FAM13A: variants seen among roughly 807,000 people sequenced by gnomAD.
FAM13A encodes the protein family with sequence similarity 13 member A, also known as protein FAM13A.
FAM13A carries 76 observed loss-of-function variants against 129.6 expected under a neutral mutation model. The observed-to-expected ratio is 0.59, with a 90% CI of 0.49 to 0.71. FAM13A has a LOEUF of 0.71. Among genes scored for constraint, FAM13A ranks in the 30% least tolerant of loss-of-function variants. The probability of loss-of-function intolerance (pLI) is 0.00; values close to 1 mark genes in which losing one functional copy is unlikely to be tolerated. For synonymous variants in FAM13A, 443 were observed against 449.9 expected, an observed-to-expected ratio of 0.98 and a Z score of 0.20; for missense variants, 1,108 against 1,249.3, an observed-to-expected ratio of 0.89 and a Z score of 1.70.
In FAM13A at chr4:88,822,779, G is replaced by C. The variant is rs73842246; in HGVS notation, c.1008-17727C>G. Reference sequence around the variant, plus strand: ...CTAAATACAACAATCAAGTGAAAAAGATAAGTTGGGCAAAATGTCAGTAAA... The same window carrying C: ...CTAAATACAACAATCAAGTGAAAAACATAAGTTGGGCAAAATGTCAGTAAA... On this transcript the variant is annotated intron_variant, in intron 7 of 23. Coordinates refer to ENST00000264344, the MANE Select transcript of FAM13A (RefSeq NM_014883.4). 5.4e-3 allele frequency among the ~76,000 whole-genome samples: 829 copies of C among 152,224 alleles called. 6 individuals carry two copies. Among genetic ancestry groups the C allele is most frequent in the African/African-American group, 0.019 (788 of 41,542 alleles).
chr4:88,750,451 G>A lies in FAM13A; in HGVS notation c.1913C>T (p.Ser638Phe). ...QYLDDTEVPP[S>F]PPNSHSFMRR... ...CATGAAAGAATGGGAGTTTGGTGGG[G>A]AAGGAGGCACTTCTGTGTCATCCAG... Residue 638 changes from serine to phenylalanine, a missense_variant, in exon 15 of 24, where the codon TCC becomes TTC. Transcript: ENST00000264344. 6.2e-7 allele frequency: 1 copy of A among 1,614,100 alleles called. No homozygotes were observed.
At chr4:89,056,448 T>C (rs940726222) in intron 1 of FAM13A, among the ~76,000 whole-genome samples, 12 of 152,168 alleles carry the variant, frequency 7.9e-5, no homozygotes, top group Non-Finnish European at 1.3e-4. Context: ...ACTGAGCTTC[T>C]CCACCATCAC....
At chr4:88,834,961 T>C (rs560480293) in intron 7 of FAM13A, among the ~76,000 whole-genome samples, 1 of 152,356 alleles carries the variant, frequency 6.6e-6, no homozygotes, top group African/African-American at 2.4e-5. Flanking sequence ...ATTACAGCTT[T>C]TTTTTTCCTA....
intron 5 of FAM13A, among the ~76,000 whole-genome samples, chr4:88,915,205 T>A (rs1034195166): frequency 4.6e-5 from 7 of 152,230 alleles, no homozygotes; most frequent in Non-Finnish European, 1.0e-4. Context: ...TACAACCCCA[T>A]AGAAGTCTCT....
At chr4:89,049,564 C>A (rs990939306) in intron 1 of FAM13A, among the ~76,000 whole-genome samples, 1 of 152,210 alleles carries the variant, frequency 6.6e-6, no homozygotes, top group Admixed American at 6.5e-5. Context: ...TCAAAATTCT[C>A]TTTCAACAAC....
At position 88,781,453 on chromosome 4, in the gene FAM13A, C is replaced by T. The variant is rs996594776; in HGVS notation, c.1272-102G>A. On this transcript the variant is annotated intron_variant, in intron 10 of 23. Transcript: ENST00000264344. ...CATACCTAGGAAATCCAAAGAGTGC[C>T]CAGAAATTCCAGTATGCATCTCTGA... 7 of 774,386 alleles carry T rather than the reference C, an allele frequency of 9.0e-6. No individual in the cohort carries two copies. In the Admixed American group the frequency reaches 2.3e-4, roughly 26 times the overall value. 48.0% of individuals were successfully genotyped at this position (774,386 alleles called of 1,614,324 possible). A position where few individuals can be genotyped will look rare whatever the true frequency, so the allele number is the denominator to read the frequency against.
intron 1 of FAM13A, among the ~76,000 whole-genome samples, chr4:89,035,319 G>A (rs1769242608): frequency 6.6e-6 from 1 of 152,036 alleles, no homozygotes; most frequent in Admixed American, 6.6e-5. Flanking sequence ...ACCTGCACAT[G>A]CACCCTGAAT....
intron 1 of FAM13A, among the ~76,000 whole-genome samples, chr4:89,037,362 G>T (rs1304989294): frequency 6.6e-6 from 1 of 152,144 alleles, no homozygotes; most frequent in Non-Finnish European, 1.5e-5. Flanking sequence ...TTTCAAACTT[G>T]CACAGGGCTT....
intron 6 of FAM13A, among the ~76,000 whole-genome samples, chr4:88,878,960 A>G (rs1178144971): frequency 6.6e-6 from 1 of 152,224 alleles, no homozygotes; most frequent in African/African-American, 2.4e-5. Flanking sequence ...TATTTAGCTA[A>G]TTACTTTGTG....
At chr4:88,769,232 A>C (rs1022539703) in intron 11 of FAM13A, among the ~76,000 whole-genome samples, 1 of 152,230 alleles carries the variant, frequency 6.6e-6, no homozygotes, top group African/African-American at 2.4e-5. Context: ...CACATAGAGG[A>C]GAAAACTAAT....
chr4:88,886,358 G>A (rs1445621232), intron 6 of FAM13A, among the ~76,000 whole-genome samples: 1 of 152,186 alleles, frequency 6.6e-6, no homozygotes, highest in East Asian at 1.9e-4. Context: ...GGAGGCCGAG[G>A]CAGGCAGATC....
At chr4:89,015,822 G>A (rs930916499) in intron 3 of FAM13A, among the ~76,000 whole-genome samples, 5 of 151,832 alleles carry the variant, frequency 3.3e-5, no homozygotes, top group South Asian at 2.1e-4. Flanking sequence ...ACATATATAC[G>A]TGTATGTTAA....
intron 4 of FAM13A, among the ~76,000 whole-genome samples, chr4:88,945,990 G>GTGTGTGTGTGTTTATATATA: frequency 1.6e-5 from 1 of 61,966 alleles, no homozygotes. Flanking sequence ...GTGTGTGTGT[G>GTGTGTGTGTGTTTATATATA]TATATATATA....
intron 7 of FAM13A, among the ~76,000 whole-genome samples, chr4:88,836,652 A>G (rs1490723798): frequency 1.3e-5 from 2 of 152,204 alleles, no homozygotes; most frequent in African/African-American, 4.8e-5. Context: ...TTTCATTTAA[A>G]AAGTGTAGTT....
At chr4:88,906,489 T>C (rs1748189510) in intron 5 of FAM13A, 27 bp from the exon 6 acceptor site, 1 of 1,501,696 alleles carries the variant, frequency 6.7e-7, no homozygotes, top group Non-Finnish European at 9.1e-7. Flanking sequence ...AAGGAAACAT[T>C]AGAGATTAAA....
rs530377310 is a variant in FAM13A, at chr4:88,732,193, T to C, written c.2652A>G (p.Glu884=). 2.7e-5 allele frequency: 43 copies of C among 1,606,276 alleles called. No individual in the cohort carries two copies. The South Asian group carries it at 4.5e-4, about 17-fold the overall frequency. The change falls in exon 22 of 24, where the codon GAA becomes GAG. Residue 884 remains glutamate (E), a synonymous_variant. Transcript: ENST00000264344. ...TASFFKEIKE[E]EEGSEDDSNV... is the part of the protein sequence containing the mutation. ...TGCTATCGTCTTCTGACCCCTCCTC[T>C]TCTTCCTGGAGATACACAGCAACCC... is the stretch of plus-strand genomic sequence containing the variant.
At chr4:89,054,828 C>T (rs573943420) in intron 1 of FAM13A, among the ~76,000 whole-genome samples, 10 of 152,216 alleles carry the variant, frequency 6.6e-5, no homozygotes, top group African/African-American at 2.2e-4. Context: ...ACCTTCATTC[C>T]ACCCCTCACC....
In FAM13A at chr4:88,728,265, G is replaced by T; in HGVS notation, c.*268C>A. On this transcript the variant is annotated 3_prime_UTR_variant, in exon 24 of 24. Transcript: ENST00000264344. ...TGTTAGGAAAGCTCCACTACTGTGT[G>T]TGTGTGTGCGTGCATGCGCGTGCGC... is the stretch of plus-strand genomic sequence containing the variant. The T allele has an allele frequency of 1.4e-5, 7 of 492,370 alleles. No homozygotes were observed. Among genetic ancestry groups the T allele is most frequent in the Non-Finnish European group, 2.6e-5 (7 of 270,212 alleles). 30.5% of individuals were successfully genotyped at this position (492,370 alleles called of 1,614,324 possible).
chr4:88,957,753 G>C (rs1348349452), intron 4 of FAM13A, among the ~76,000 whole-genome samples: 1 of 152,198 alleles, frequency 6.6e-6, no homozygotes, highest in Non-Finnish European at 1.5e-5. Flanking sequence ...TGAAGGTCAG[G>C]GAAATGAGAT....
Sources: gnomAD v4.1 joint callset for allele counts (sites outside exome capture counted in the v4.1 genomes callset) on GRCh38, gnomAD v4.1.1 for gene constraint, MANE v1.5 for transcripts, NCBI Gene and HGNC (gene_info 2026-07-23, HGNC 2026-07-21) for gene names.